The following MYOCD variants were observed in gnomAD, a reference collection of about 807,000 sequenced individuals.
MYOCD encodes the protein myocardin.
In MYOCD, 32 loss-of-function variants were observed where a neutral mutation model predicts 96.1. The ratio of observed to expected loss-of-function variants is 0.33; its 90% CI spans 0.25 to 0.45. The LOEUF (loss-of-function observed/expected upper bound fraction) is 0.45. MYOCD is among the 20% of genes least tolerant of loss of function. The pLI, the probability that MYOCD is intolerant of heterozygous loss-of-function variation, is 1.00. For missense variants in MYOCD, 1,133 were observed against 1,200.6 expected (o/e 0.94, Z 0.83); for synonymous variants, 469 against 469.0 (o/e 1.00, Z 0.00).
intron 5 of MYOCD, among the ~76,000 whole-genome samples, chr17:12,728,230 G>A (rs538750170): frequency 1.3e-5 from 2 of 152,252 alleles, no homozygotes; most frequent in East Asian, 3.9e-4. Context: ...CTTCTAGCTT[G>A]TTAATTCTCT....
At position 12,766,027 on chromosome 17, in the gene MYOCD, A is replaced by G. The variant is rs2033330356; in HGVS notation, c.*2383A>G. ...CAGTGTTTCCTTTGAAGATGAAGCT[A>G]CTGGGGAAGAAAACCTTATTAATAC... On this transcript the variant is annotated 3_prime_UTR_variant, in exon 14 of 14. Transcript: ENST00000425538. The G allele has an allele frequency of 6.6e-6, 1 of 152,262 alleles. No homozygotes were observed. Among genetic ancestry groups the G allele is most frequent in the African/African-American group, 2.4e-5 (1 of 41,474 alleles). The allele number at this position is 152,262 out of a possible 1,614,324, so 9.4% of individuals were successfully genotyped here.
Position 12,763,558 on chromosome 17 carries a change from A to G in MYOCD, c.2875A>G (p.Ser959Gly), listed in dbSNP as rs779388011. ...AGGCTTTAGCGCCCTCACCACCAGC[A>G]GCCCCAGCATCTTCAACATCGATTT... ...TPGFSALTTS[S>G]PSIFNIDFLD... The change falls in exon 14 of 14, where the codon AGC becomes GGC. Residue 959 changes from serine (S) to glycine (G), a missense_variant. Transcript: ENST00000425538. The G allele has an allele frequency of 6.2e-7, 1 of 1,614,196 alleles. No homozygotes were observed. Among genetic ancestry groups the G allele is most frequent in the South Asian group, 1.1e-5 (1 of 91,086 alleles).
chr17:12,687,505 T>A lies in MYOCD; in HGVS notation c.56-17623T>A, dbSNP rs7215767. On this transcript the variant is annotated intron_variant, in intron 1 of 13. Transcript: ENST00000425538. ...GATGTATGGCTGGTACAGTGACTCC[T>A]CATCTTTTATTTTTGTTTTATTGAT... Among the ~76,000 whole-genome samples the A allele has an allele frequency of 4.8e-3, 733 of 152,344 alleles. 7 individuals carry two copies. The highest frequency in any genetic ancestry group is 0.017 in the African/African-American group (700 of 41,576).
rs148662821 is a variant in MYOCD, at chr17:12,756,576, G to A, written c.2202+19G>A. 441 of 1,544,832 alleles carry A rather than the reference G, an allele frequency of 2.9e-4. 6 individuals are homozygous for A. The East Asian group carries it at 8.6e-3, about 30-fold the overall frequency. On this transcript the variant is annotated intron_variant, in intron 11 of 13. Transcript: ENST00000425538. Reference sequence around the variant, plus strand: ...GCAAAAGGTAGGCACCTGAAAAAAGGCCTCAACCTGGGATTCACTTTGCCT... The same window carrying A: ...GCAAAAGGTAGGCACCTGAAAAAAGACCTCAACCTGGGATTCACTTTGCCT...
In MYOCD at chr17:12,739,292, C is replaced by A. The variant is rs141767130; in HGVS notation, c.681C>A (p.Pro227=). Residue 227 remains proline, a synonymous_variant, in exon 7 of 14, where the codon CCC becomes CCA. Transcript: ENST00000425538. ...ATGCGGGGAAGCAGGGGCTTGGCCC[C>A]CCCAGCACCCCCATAGCCGTGCATG... The part of the protein sequence containing the change: ...QSDAGKQGLG[P]PSTPIAVHAA... The A allele has an allele frequency of 4.4e-6, 7 of 1,607,950 alleles. No individual in the cohort carries two copies. The highest frequency in any genetic ancestry group is 5.9e-6 in the Non-Finnish European group (7 of 1,177,606).
rs1423935552 is a variant in MYOCD, at chr17:12,767,100, A to G, written c.*3456A>G. On this transcript the variant is annotated 3_prime_UTR_variant, in exon 14 of 14. Coordinates refer to ENST00000425538, the MANE Select transcript of MYOCD (RefSeq NM_001146312.3). ...GAAAGGAGGGAAGGAAAAAAGGGCC[A>G]AACTTTCTGATCTATGAACTTCTCA... 2 of 152,120 alleles carry G rather than the reference A, an allele frequency of 1.3e-5. No individual in the cohort carries two copies. Among genetic ancestry groups the G allele is most frequent in the Admixed American group, 1.3e-4 (2 of 15,258 alleles). 9.4% of individuals were successfully genotyped at this position (152,120 alleles called of 1,614,324 possible). A position where few individuals can be genotyped will look rare whatever the true frequency, so the allele number is the denominator to read the frequency against.
intron 11 of MYOCD, 95 bp downstream of exon 11, chr17:12,756,652 CA>C: frequency 7.6e-6 from 8 of 1,052,518 alleles, no homozygotes; most frequent in South Asian, 1.6e-5. Flanking sequence ...GCCGAGATCG[CA>C]CCACTGCACT....
Position 12,666,057 on chromosome 17 carries a change from C to T in MYOCD, c.-132C>T, listed in dbSNP as rs1226053455. The T allele has an allele frequency of 5.9e-6, 4 of 679,360 alleles. No homozygotes were observed. The highest frequency in any genetic ancestry group is 1.1e-5 in the Non-Finnish European group (4 of 379,982). 42.1% of individuals were successfully genotyped at this position (679,360 alleles called of 1,614,324 possible). On this transcript the variant is annotated 5_prime_UTR_variant, in exon 1 of 14. Transcript: ENST00000425538. ...GACACTGGCTGCCACTGTACTCCTA[C>T]CCAGGGGAGCTCACGGAGAGTTGGA...
intron 13 of MYOCD, chr17:12,761,024 G>T: frequency 8.1e-6 from 2 of 246,966 alleles, no homozygotes; most frequent in Non-Finnish European, 1.6e-5. Context: ...TAATCTCAAT[G>T]CCCCTACCTT....
Position 12,760,097 on chromosome 17 carries a change from C to G in MYOCD, c.2332-553C>G, listed in dbSNP as rs560564222. 2.1e-4 allele frequency: 32 copies of G among 154,968 alleles called. No individual in the cohort carries two copies. The South Asian group carries it at 5.6e-3, about 27-fold the overall frequency. 9.6% of individuals were successfully genotyped at this position (154,968 alleles called of 1,614,324 possible). A position where few individuals can be genotyped will look rare whatever the true frequency, so the allele number is the denominator to read the frequency against. On this transcript the variant is annotated intron_variant, in intron 12 of 13. Transcript: ENST00000425538. ...CTGTAGCCCAAAGGTAGAAACAACC[C>G]ATATGTTCATTGACAAATGAATGGA...
At chr17:12,725,765 C>A (rs1009668591) in intron 5 of MYOCD, among the ~76,000 whole-genome samples, 1 of 151,688 alleles carries the variant, frequency 6.6e-6, no homozygotes, top group African/African-American at 2.4e-5. Context: ...TCTCTTAAAT[C>A]GGATTTTTCT....
intron 10 of MYOCD, among the ~76,000 whole-genome samples, chr17:12,754,316 C>A (rs531358876): frequency 2.2e-4 from 34 of 152,284 alleles, no homozygotes; most frequent in Non-Finnish European, 4.1e-4. Context: ...GTTGGCCAGG[C>A]TGGTCTCTAA....
At chr17:12,738,562 G>T (rs2032412742) in intron 6 of MYOCD, among the ~76,000 whole-genome samples, 1 of 151,464 alleles carries the variant, frequency 6.6e-6, no homozygotes, top group Non-Finnish European at 1.5e-5. Flanking sequence ...CACCTAACAT[G>T]CACACACACA....
At chr17:12,700,028 C>T (rs2030986237) in intron 1 of MYOCD, among the ~76,000 whole-genome samples, 1 of 151,486 alleles carries the variant, frequency 6.6e-6, no homozygotes, top group South Asian at 2.1e-4. Flanking sequence ...CCTGCCTCAG[C>T]CTCCCGAGTA....
At chr17:12,696,030 A>G (rs1182629105) in intron 1 of MYOCD, among the ~76,000 whole-genome samples, 2 of 151,952 alleles carry the variant, frequency 1.3e-5, no homozygotes, top group Non-Finnish European at 2.9e-5. Context: ...CCTTCCTTTT[A>G]AGGCTGAATA....
In MYOCD at chr17:12,738,264, G is replaced by A. The variant is rs932833016; in HGVS notation, c.592-939G>A. 9.9e-5 allele frequency among the ~76,000 whole-genome samples: 15 copies of A among 152,268 alleles called. 1 individual carries two copies. The highest frequency in any genetic ancestry group is 3.4e-4 in the African/African-American group (14 of 41,550). On this transcript the variant is annotated intron_variant, in intron 6 of 13. Coordinates refer to ENST00000425538, the MANE Select transcript of MYOCD (RefSeq NM_001146312.3). ...CCTTTGGGCCTTTGACAGGTGCCAG[G>A]CAGGGCTCAGGGAAGAACTGCAAAG...
intron 2 of MYOCD, chr17:12,705,794 C>T (rs1803243118): frequency 6.6e-6 from 1 of 152,162 alleles, no homozygotes; most frequent in Non-Finnish European, 1.5e-5. Flanking sequence ...AAAGGGTACC[C>T]TGGATGAATA....
At position 12,671,331 on chromosome 17, in the gene MYOCD, G is replaced by A. The variant is rs368502640; in HGVS notation, c.55+5088G>A. Among the ~76,000 whole-genome samples the A allele has an allele frequency of 1.5e-4, 23 of 152,256 alleles. No individual in the cohort carries two copies. In the East Asian group the frequency reaches 2.1e-3, roughly 14 times the overall value. ...GCAATATAGGTTTATTGTTAGATGT[G>A]CGTTTGTGTGTACTAAAACTAGAAC... On this transcript the variant is annotated intron_variant, in intron 1 of 13. Transcript: ENST00000425538.
Position 12,742,738 on chromosome 17 carries a change from T to A in MYOCD, c.718-1445T>A, listed in dbSNP as rs72479744. Among the ~76,000 whole-genome samples, 974 of 151,970 alleles carry A rather than the reference T, an allele frequency of 6.4e-3. 17 individuals carry two copies. Among genetic ancestry groups the A allele is most frequent in the East Asian group, 0.038 (193 of 5,140 alleles). On this transcript the variant is annotated intron_variant, in intron 7 of 13. Transcript: ENST00000425538. ...GGCATCTACCACCAAGCCCAGCTAA[T>A]TTTTTGTATTTTTACCAGAGACAGG...
Sources: allele counts gnomAD v4.1 joint callset (sites outside exome capture counted in the v4.1 genomes callset), GRCh38; gene constraint gnomAD v4.1.1; transcripts MANE v1.5; gene names NCBI Gene and HGNC (gene_info 2026-07-23, HGNC 2026-07-21).